GREB1L: variants seen among roughly 807,000 people sequenced by gnomAD.
The protein encoded by GREB1L is GREB1 like retinoic acid receptor coactivator, also known as GREB1-like protein.
In GREB1L, 17 loss-of-function variants were observed where a neutral mutation model predicts 200.8. The observed-to-expected ratio is 0.08, with a 90% CI of 0.06 to 0.13. GREB1L has a LOEUF of 0.13. GREB1L is among the 10% of genes least tolerant of loss of function. The pLI is 1.00. For synonymous variants in GREB1L, 789 were observed against 893.0 expected, an observed-to-expected ratio of 0.88 and a Z score of 2.08; for missense variants, 1,657 against 2,367.7, an observed-to-expected ratio of 0.70 and a Z score of 6.23.
At chr18:21,473,673 C>T (rs1378515207) in intron 16 of GREB1L, among the ~76,000 whole-genome samples, 1 of 152,020 alleles carries the variant, frequency 6.6e-6, no homozygotes, top group Non-Finnish European at 1.5e-5. Context: ...TTTTTCCTAC[C>T]CTTTTCTTGC....
intron 1 of GREB1L, among the ~76,000 whole-genome samples, chr18:21,338,406 G>T (rs2145120846): frequency 6.6e-6 from 1 of 152,350 alleles, no homozygotes; most frequent in Non-Finnish European, 1.5e-5. Context: ...ATTCCAAAGA[G>T]ATTTTCTATT....
intron 1 of GREB1L, among the ~76,000 whole-genome samples, chr18:21,316,021 G>A (rs1365690876): frequency 2.6e-5 from 4 of 152,160 alleles, no homozygotes; most frequent in Non-Finnish European, 4.4e-5. Context: ...AGGAGGCTAA[G>A]CAGCACCTTT....
intron 7 of GREB1L, among the ~76,000 whole-genome samples, chr18:21,416,531 A>G (rs942141719): frequency 1.9e-4 from 29 of 152,050 alleles, no homozygotes; most frequent in Admixed American, 1.9e-3. Context: ...TCCCTCCTAA[A>G]TATACAAAAA....
chr18:21,497,961 A>T (rs947310768), intron 21 of GREB1L, among the ~76,000 whole-genome samples: 1 of 151,330 alleles, frequency 6.6e-6, no homozygotes, highest in Non-Finnish European at 1.5e-5. Flanking sequence ...AGCTGGGATT[A>T]CAGGCACCCG....
chr18:21,310,442 T>A (rs1359672910), intron 1 of GREB1L, among the ~76,000 whole-genome samples: 1 of 152,190 alleles, frequency 6.6e-6, no homozygotes, highest in Non-Finnish European at 1.5e-5. Flanking sequence ...GATATAATTG[T>A]TTTATATTTT....
At chr18:21,354,564 A>G (rs540634478) in intron 1 of GREB1L, among the ~76,000 whole-genome samples, 4 of 152,376 alleles carry the variant, frequency 2.6e-5, no homozygotes, top group Non-Finnish European at 4.4e-5. Flanking sequence ...AATAGGGAAG[A>G]TAAACATTAA....
intron 1 of GREB1L, among the ~76,000 whole-genome samples, chr18:21,258,195 C>T (rs141779182): frequency 2.6e-5 from 4 of 152,180 alleles, no homozygotes; most frequent in East Asian, 3.9e-4. Context: ...AGGTAGCTGC[C>T]GAGGGACATT....
chr18:21,350,735 A>C (rs1222422787), intron 1 of GREB1L, among the ~76,000 whole-genome samples: 1 of 152,166 alleles, frequency 6.6e-6, no homozygotes, highest in Non-Finnish European at 1.5e-5. Context: ...GAAACAACTG[A>C]TTGGATCCCA....
At chr18:21,467,174 G>T (rs1054833685) in intron 15 of GREB1L, among the ~76,000 whole-genome samples, 6 of 152,150 alleles carry the variant, frequency 3.9e-5, no homozygotes, top group Admixed American at 3.3e-4. Flanking sequence ...ATAAATATTT[G>T]TGACCTTGGA....
chr18:21,470,092 G>A (rs1485298242), intron 15 of GREB1L, among the ~76,000 whole-genome samples: 41 of 151,876 alleles, frequency 2.7e-4, no homozygotes, highest in Non-Finnish European at 2.4e-4. Flanking sequence ...TGAGACCAGC[G>A]TGGGCAACAT....
chr18:21,345,566 G>T (rs927579889), intron 1 of GREB1L, among the ~76,000 whole-genome samples: 7 of 152,090 alleles, frequency 4.6e-5, no homozygotes, highest in Non-Finnish European at 7.4e-5. Context: ...TTTTCTGAAA[G>T]ATGGAGACCA....
At chr18:21,400,145 T>C (rs563254393) in intron 5 of GREB1L, among the ~76,000 whole-genome samples, 2 of 152,184 alleles carry the variant, frequency 1.3e-5, no homozygotes, top group Non-Finnish European at 1.5e-5. Flanking sequence ...CAGACACAAC[T>C]AGAAGAACTC....
chr18:21,346,605 C>T (rs1397879605), intron 1 of GREB1L, among the ~76,000 whole-genome samples: 2 of 152,052 alleles, frequency 1.3e-5, no homozygotes, highest in African/African-American at 4.8e-5. Flanking sequence ...TCTGGTTATT[C>T]TTGTTCTTTC....
intron 1 of GREB1L, among the ~76,000 whole-genome samples, chr18:21,325,559 A>G (rs2039009883): frequency 6.6e-6 from 1 of 152,032 alleles, no homozygotes; most frequent in South Asian, 2.1e-4. Flanking sequence ...TCACATACGT[A>G]ATCCCAGCGC....
At chr18:21,466,087 G>A (rs761005081) in intron 15 of GREB1L, among the ~76,000 whole-genome samples, 3 of 152,012 alleles carry the variant, frequency 2.0e-5, no homozygotes, top group Admixed American at 6.6e-5. Context: ...TTAATGTTAC[G>A]TCCCTGAAGT....
chr18:21,281,022 T>G (rs1178414556), intron 1 of GREB1L, among the ~76,000 whole-genome samples: 1 of 152,230 alleles, frequency 6.6e-6, no homozygotes, highest in Non-Finnish European at 1.5e-5. Flanking sequence ...AATGTTCACC[T>G]AATCCCCTTG....
chr18:21,367,499 G>A (rs964934676), intron 2 of GREB1L, among the ~76,000 whole-genome samples: 1 of 152,104 alleles, frequency 6.6e-6, no homozygotes, highest in Non-Finnish European at 1.5e-5. Flanking sequence ...GAGGTAAGCC[G>A]GGAACTTACA....
At chr18:21,368,063 A>G (rs1225927521) in intron 2 of GREB1L, among the ~76,000 whole-genome samples, 7 of 152,218 alleles carry the variant, frequency 4.6e-5, no homozygotes, top group African/African-American at 9.6e-5. Flanking sequence ...CATATATTAC[A>G]ATGTATATAG....
At chr18:21,287,314 G>A (rs1402998693) in intron 1 of GREB1L, among the ~76,000 whole-genome samples, 1 of 152,168 alleles carries the variant, frequency 6.6e-6, no homozygotes, top group East Asian at 1.9e-4. Flanking sequence ...CTCTGTAGAT[G>A]TCAAATAATA....
Sources: gnomAD v4.1 joint callset for allele counts (sites outside exome capture counted in the v4.1 genomes callset) on GRCh38, gnomAD v4.1.1 for gene constraint, MANE v1.5 for transcripts, NCBI Gene and HGNC (gene_info 2026-07-23, HGNC 2026-07-21) for gene names.